The following SHC4 variants were observed in gnomAD, a reference collection of about 807,000 sequenced individuals.
SHC4 encodes the protein SHC-transforming protein 4.
SHC4 carries 41 observed loss-of-function variants against 69.4 expected under a neutral mutation model. The ratio of observed to expected loss-of-function variants is 0.59; its 90% CI spans 0.46 to 0.77. SHC4 has a LOEUF of 0.77. Among genes scored for constraint, SHC4 ranks in the 30% least tolerant of loss-of-function variants. The probability of loss-of-function intolerance (pLI) is 0.00; values close to 1 mark genes in which losing one functional copy is unlikely to be tolerated. For missense variants in SHC4, 777 were observed against 783.8 expected (o/e 0.99, Z 0.10); for synonymous variants, 318 against 299.3 (o/e 1.06, Z -0.64).
intron 10 of SHC4, among the ~76,000 whole-genome samples, chr15:48,835,757 T>C (rs1898886951): frequency 6.6e-6 from 1 of 152,146 alleles, no homozygotes; most frequent in Admixed American, 6.5e-5. Flanking sequence ...TACAGTACTA[T>C]CCACACTCAT....
chr15:48,852,748 A>G (rs1170584427), intron 8 of SHC4, among the ~76,000 whole-genome samples: 1 of 152,012 alleles, frequency 6.6e-6, no homozygotes, highest in African/African-American at 2.4e-5. Flanking sequence ...CTAAAAATAC[A>G]AACATTAGCT....
At position 48,827,159 on chromosome 15, in the gene SHC4, G is replaced by A. The variant is rs868272438; in HGVS notation, c.1738-1033C>T. 1.1e-4 allele frequency among the ~76,000 whole-genome samples: 17 copies of A among 152,130 alleles called. No individual in the cohort carries two copies. The South Asian group carries it at 1.2e-3, about 11-fold the overall frequency. On this transcript the variant is annotated intron_variant, in intron 11 of 11. Coordinates refer to ENST00000332408, the MANE Select transcript of SHC4 (RefSeq NM_203349.4). ...AAGGCATGCAACAAGGCAGCACCTC[G>A]TTATGTATTTCTGCCAGCTCTCCTA...
chr15:48,825,844 T>G lies in SHC4; in HGVS notation c.*127A>C. 5 of 1,141,152 alleles carry G rather than the reference T, an allele frequency of 4.4e-6. No homozygotes were observed. The highest frequency in any genetic ancestry group is 6.1e-6 in the Non-Finnish European group (5 of 813,082). The allele number at this position is 1,141,152 out of a possible 1,614,324, so 70.7% of individuals were successfully genotyped here. On this transcript the variant is annotated 3_prime_UTR_variant, in exon 12 of 12. Transcript: ENST00000332408. The stretch of plus-strand genomic sequence containing the variant: ...ATTTTATAGAGGACCTGGTCCATGA[T>G]GGTCTTGGAAAGATGCACTTCACAG...
At chr15:48,827,326 C>G (rs1029991149) in intron 11 of SHC4, among the ~76,000 whole-genome samples, 1 of 152,162 alleles carries the variant, frequency 6.6e-6, no homozygotes, top group Non-Finnish European at 1.5e-5. Flanking sequence ...TGATTTTGAT[C>G]TCTGTACTAT....
At chr15:48,835,561 A>G (rs908443757) in intron 10 of SHC4, among the ~76,000 whole-genome samples, 3 of 152,208 alleles carry the variant, frequency 2.0e-5, no homozygotes, top group Non-Finnish European at 2.9e-5. Flanking sequence ...ACCTCACAGC[A>G]TTCCCACTAA....
At chr15:48,913,025 G>C (rs117329186) in intron 2 of SHC4, among the ~76,000 whole-genome samples, 2,769 of 145,896 alleles carry the variant, frequency 0.019, 62 homozygotes, top group East Asian at 0.077. Flanking sequence ...TGGACTCCAT[G>C]GGGGTCCTTA....
intron 2 of SHC4, among the ~76,000 whole-genome samples, chr15:48,892,797 A>T (rs1900158510): frequency 1.3e-5 from 2 of 149,050 alleles, no homozygotes; most frequent in African/African-American, 4.9e-5. Flanking sequence ...CGAGAGGCAG[A>T]GGTTGCAGTG....
At chr15:48,923,544 C>CAAAAAAAAAAAAAAAA (rs3075016) in intron 2 of SHC4, among the ~76,000 whole-genome samples, 1 of 93,006 alleles carries the variant, frequency 1.1e-5, no homozygotes, top group African/African-American at 4.3e-5. Flanking sequence ...GACTCTGTCT[C>CAAAAAAAAAAAAAAAA]AAAAAAAAAA....
chr15:48,876,752 A>C, intron 4 of SHC4: 1 of 475,436 alleles, frequency 2.1e-6, no homozygotes. Flanking sequence ...CTGGCAGCTG[A>C]TTAGATTGTG....
At chr15:48,854,682 C>T (rs1899278409) in intron 8 of SHC4, among the ~76,000 whole-genome samples, 1 of 152,148 alleles carries the variant, frequency 6.6e-6, no homozygotes, top group Non-Finnish European at 1.5e-5. Context: ...ATGGATGCTG[C>T]TGGAGGCCAT....
At chr15:48,921,773 T>C (rs955024327) in intron 2 of SHC4, among the ~76,000 whole-genome samples, 28 of 152,266 alleles carry the variant, frequency 1.8e-4, no homozygotes, top group Non-Finnish European at 3.1e-4. Context: ...TATACACTTA[T>C]AAATGATTAA....
rs1898676776 is a variant in SHC4 at position 48,825,763 on chromosome 15, AC to A, written c.*207del. ...CATATAATTTCTTTTAAAATGACCA[AC>A]CCTCTTCCTCTTTTCTGATTTTCAT... On this transcript the variant is annotated 3_prime_UTR_variant, in exon 12 of 12. Transcript: ENST00000332408. The A allele has an allele frequency of 5.3e-6, 3 of 563,348 alleles. No homozygotes were observed. Among genetic ancestry groups the A allele is most frequent in the East Asian group, 6.3e-5 (2 of 31,726 alleles). The allele number at this position is 563,348 out of a possible 1,614,324, so 34.9% of individuals were successfully genotyped here.
chr15:48,901,728 C>G (rs1433722900), intron 2 of SHC4, among the ~76,000 whole-genome samples: 1 of 152,162 alleles, frequency 6.6e-6, no homozygotes, highest in East Asian at 1.9e-4. Flanking sequence ...CTGCAGTTAG[C>G]CAGAGTTCAA....
At chr15:48,947,935 T>C (rs1437182747) in intron 1 of SHC4, 1 of 152,148 alleles carries the variant, frequency 6.6e-6, no homozygotes, top group East Asian at 1.9e-4. Flanking sequence ...TTGACAACAG[T>C]GGGAGAAACT....
At chr15:48,909,204 T>C (rs965882642) in intron 2 of SHC4, among the ~76,000 whole-genome samples, 15 of 152,176 alleles carry the variant, frequency 9.9e-5, no homozygotes, top group Admixed American at 5.2e-4. Flanking sequence ...TCCATTTGTT[T>C]GTGTCATCTA....
At chr15:48,941,958 A>T (rs978430028) in intron 1 of SHC4, among the ~76,000 whole-genome samples, 3 of 152,268 alleles carry the variant, frequency 2.0e-5, no homozygotes, top group Non-Finnish European at 4.4e-5. Flanking sequence ...CCACGTGTAC[A>T]TATTATTTCA....
Position 48,826,090 on chromosome 15 carries a change from G to A in SHC4, c.1774C>T (p.His592Tyr), listed in dbSNP as rs1898682741. 6.2e-7 allele frequency: 1 copy of A among 1,613,318 alleles called. No homozygotes were observed. ...TTATCCATATGGTATCTGATAAGGT[G>A]GCCGACATTATCAAATACATGATCC... The part of the protein sequence containing the change: ...TKDHVFDNVG[H>Y]LIRYHMDNSL... The change falls in exon 12 of 12, where the codon CAC becomes TAC. Residue 592 changes from histidine to tyrosine, a missense_variant. His to Tyr is a moderately conservative substitution (Grantham distance 83). Transcript: ENST00000332408.
At chr15:48,961,410 C>G (rs150467998) in intron 1 of SHC4, among the ~76,000 whole-genome samples, 1 of 152,302 alleles carries the variant, frequency 6.6e-6, no homozygotes, top group East Asian at 1.9e-4. Flanking sequence ...GCCACCCCCT[C>G]CCTCAGTCAC....
chr15:48,842,638 AAGAT>A (rs1899013439), intron 10 of SHC4, among the ~76,000 whole-genome samples: 1 of 152,306 alleles, frequency 6.6e-6, no homozygotes, highest in Admixed American at 6.5e-5. Flanking sequence ...AGCCCTCAAA[AAGAT>A]AAATTCAAGG....
Sources: allele counts gnomAD v4.1 joint callset (sites outside exome capture counted in the v4.1 genomes callset), GRCh38; gene constraint gnomAD v4.1.1; transcripts MANE v1.5; gene names NCBI Gene and HGNC (gene_info 2026-07-23, HGNC 2026-07-21).